Variants in STEAP1B observed in about 807,000 individuals in gnomAD.
STEAP1B encodes STEAP family member 1B.
STEAP1B carries 13 observed loss-of-function variants against 27.9 expected under a neutral mutation model. That is an observed-to-expected ratio of 0.47 (90% confidence interval 0.30 to 0.74). STEAP1B has a LOEUF of 0.74. STEAP1B is among the 30% of genes least tolerant of loss of function. The pLI is 0.06. For synonymous variants in STEAP1B, 86 were observed against 107.1 expected (o/e 0.80, Z 1.22); for missense variants, 250 against 298.7 (o/e 0.84, Z 1.20).
At chr7:22,438,610 A>G (rs1033129808) in intron 4 of STEAP1B, 2 of 1,552,224 alleles carry the variant, frequency 1.3e-6, no homozygotes, top group Non-Finnish European at 1.7e-6. Flanking sequence ...AATGAAGTAT[A>G]TATAACTCCT....
At chr7:22,422,219 CA>C (rs1785052526) in intron 4 of STEAP1B, among the ~76,000 whole-genome samples, 1 of 152,172 alleles carries the variant, frequency 6.6e-6, no homozygotes, top group African/African-American at 2.4e-5. Flanking sequence ...TGGGCCTGTG[CA>C]TGTGTGTGTG....
chr7:22,430,666 C>A (rs1427303713), intron 4 of STEAP1B, among the ~76,000 whole-genome samples: 1 of 152,094 alleles, frequency 6.6e-6, no homozygotes, highest in Non-Finnish European at 1.5e-5. Context: ...AGAACACAGC[C>A]CCATGGTTTT....
At chr7:22,448,587 A>C (rs1785441197) in intron 4 of STEAP1B, among the ~76,000 whole-genome samples, 1 of 152,186 alleles carries the variant, frequency 6.6e-6, no homozygotes, top group Admixed American at 6.5e-5. Flanking sequence ...GGATTGGCTT[A>C]TCATTAAAAT....
At chr7:22,495,716 C>T (rs1338437047) in intron 1 of STEAP1B, among the ~76,000 whole-genome samples, 2 of 151,918 alleles carry the variant, frequency 1.3e-5, no homozygotes, top group Non-Finnish European at 2.9e-5. Flanking sequence ...ATTTGATTGA[C>T]AGAAAACATC....
At chr7:22,429,653 C>T (rs1273130622) in intron 4 of STEAP1B, among the ~76,000 whole-genome samples, 1 of 152,194 alleles carries the variant, frequency 6.6e-6, no homozygotes, top group Non-Finnish European at 1.5e-5. Context: ...AAGATTTCAT[C>T]ACACTGCTCA....
At chr7:22,439,569 G>T (rs2128401631) in intron 4 of STEAP1B, among the ~76,000 whole-genome samples, 1 of 152,216 alleles carries the variant, frequency 6.6e-6, no homozygotes, top group Non-Finnish European at 1.5e-5. Flanking sequence ...GGTCAATATT[G>T]AAGACATGTT....
intron 4 of STEAP1B, among the ~76,000 whole-genome samples, chr7:22,428,729 G>A (rs1785141014): frequency 6.6e-6 from 1 of 152,056 alleles, no homozygotes; most frequent in South Asian, 2.1e-4. Flanking sequence ...CTTAAACTCG[G>A]GAGGGGGAGG....
intron 4 of STEAP1B, among the ~76,000 whole-genome samples, chr7:22,461,407 T>G (rs1033711149): frequency 3.9e-5 from 6 of 152,056 alleles, no homozygotes; most frequent in African/African-American, 1.2e-4. Context: ...CCATTACAGG[T>G]GCCCACCACC....
chr7:22,484,912 A>T (rs1273147908), intron 4 of STEAP1B, among the ~76,000 whole-genome samples: 1 of 152,254 alleles, frequency 6.6e-6, no homozygotes, highest in Non-Finnish European at 1.5e-5. Context: ...TAGAAATAGC[A>T]GCAAGAGAAC....
intron 4 of STEAP1B, among the ~76,000 whole-genome samples, chr7:22,465,077 G>A (rs1430590792): frequency 6.7e-6 from 1 of 150,314 alleles, no homozygotes; most frequent in Non-Finnish European, 1.5e-5. Context: ...TTTATAAAAG[G>A]GTTACCTGAA....
intron 4 of STEAP1B, among the ~76,000 whole-genome samples, chr7:22,477,970 C>G (rs558572614): frequency 4.8e-4 from 73 of 152,300 alleles, no homozygotes; most frequent in African/African-American, 1.6e-3. Flanking sequence ...CAGTACTCTT[C>G]CTACTCCGTG....
chr7:22,457,532 T>C (rs1300856778), intron 4 of STEAP1B, among the ~76,000 whole-genome samples: 2 of 152,154 alleles, frequency 1.3e-5, no homozygotes, highest in African/African-American at 4.8e-5. Flanking sequence ...CACTAGGAAA[T>C]TTGTTCCTGA....
chr7:22,452,266 C>T (rs957065741), intron 4 of STEAP1B, among the ~76,000 whole-genome samples: 3 of 152,194 alleles, frequency 2.0e-5, no homozygotes, highest in Non-Finnish European at 4.4e-5. Flanking sequence ...GTGCTCGTCA[C>T]AGCACCCTGA....
At chr7:22,468,939 T>C (rs1174105762) in intron 4 of STEAP1B, among the ~76,000 whole-genome samples, 1 of 152,264 alleles carries the variant, frequency 6.6e-6, no homozygotes, top group Non-Finnish European at 1.5e-5. Context: ...TAATACTTGC[T>C]AATAACCATG....
At chr7:22,490,289 A>G (rs1786298006) in intron 4 of STEAP1B, among the ~76,000 whole-genome samples, 1 of 152,194 alleles carries the variant, frequency 6.6e-6, no homozygotes, top group Non-Finnish European at 1.5e-5. Context: ...ACAGAATTTT[A>G]AAGCTTTTCT....
At chr7:22,455,011 C>T (rs993479110) in intron 4 of STEAP1B, among the ~76,000 whole-genome samples, 3 of 151,694 alleles carry the variant, frequency 2.0e-5, no homozygotes, top group South Asian at 4.2e-4. Flanking sequence ...TACAGGTGCT[C>T]GCCACCACAC....
rs554346544 is a variant in STEAP1B at position 22,459,614 on chromosome 7, G to C, written c.762+32951C>G. On this transcript the variant is annotated intron_variant, in intron 4 of 4. Transcript: ENST00000678116. ...TTCTGTATTTTCCCTGTTTATGACA[G>C]TTTCCATATCCTCTCCTCCTGGCAC... Among the ~76,000 whole-genome samples, 3 of 152,280 alleles carry C rather than the reference G, an allele frequency of 2.0e-5. No homozygotes were observed. In the South Asian group the frequency reaches 6.2e-4, roughly 32 times the overall value.
intron 4 of STEAP1B, among the ~76,000 whole-genome samples, chr7:22,442,068 G>A (rs947997257): frequency 6.6e-6 from 1 of 152,184 alleles, no homozygotes; most frequent in Non-Finnish European, 1.5e-5. Flanking sequence ...CTTCCCATAT[G>A]GCCCTTTCTG....
chr7:22,446,647 A>T (rs1310604012), intron 4 of STEAP1B, among the ~76,000 whole-genome samples: 1 of 152,238 alleles, frequency 6.6e-6, no homozygotes, highest in Non-Finnish European at 1.5e-5. Context: ...ATGAATGCTA[A>T]TCTCACTTCT....
Sources: allele counts gnomAD v4.1 joint callset (sites outside exome capture counted in the v4.1 genomes callset), GRCh38; gene constraint gnomAD v4.1.1; transcripts MANE v1.5; gene names NCBI Gene and HGNC (gene_info 2026-07-23, HGNC 2026-07-21).